The following SKAP1 variants were observed in gnomAD, a reference collection of about 807,000 sequenced individuals.
SKAP1 encodes src kinase associated phosphoprotein 1, also known as src kinase-associated phosphoprotein 1.
SKAP1 carries 44 observed loss-of-function variants against 58.5 expected under a neutral mutation model. The observed-to-expected ratio is 0.75, with a 90% CI of 0.59 to 0.97. The LOEUF is 0.97. SKAP1 is among the 50% of genes least tolerant of loss of function. The pLI is 0.00. For missense variants in SKAP1, 390 were observed against 435.2 expected (o/e 0.90, Z 0.92); for synonymous variants, 127 against 149.7 (o/e 0.85, Z 1.11).
At chr17:48,366,404 G>A (rs1234091837) in intron 2 of SKAP1, among the ~76,000 whole-genome samples, 1 of 151,856 alleles carries the variant, frequency 6.6e-6, no homozygotes, top group Non-Finnish European at 1.5e-5. Flanking sequence ...TAGAGGGTGA[G>A]GAAATTCCAG....
intron 7 of SKAP1, among the ~76,000 whole-genome samples, chr17:48,183,734 A>G (rs8081199): frequency 0.83 from 126,284 of 151,968 alleles, 52,538 homozygotes; most frequent in East Asian, 0.95. Flanking sequence ...TATTCATAAA[A>G]GACTCTATAG....
chr17:48,317,957 T>C (rs2066310793), intron 4 of SKAP1, among the ~76,000 whole-genome samples: 1 of 152,046 alleles, frequency 6.6e-6, no homozygotes, highest in Admixed American at 6.5e-5. Context: ...AGAAAAATAA[T>C]GCAAAACAGA....
chr17:48,193,584 A>T (rs1209678835), intron 4 of SKAP1: 22 of 615,976 alleles, frequency 3.6e-5, no homozygotes, highest in Non-Finnish European at 4.5e-5. Context: ...GCTCAATCTC[A>T]TTAGCTCCAT....
At chr17:48,397,587 T>C (rs543192132) in intron 1 of SKAP1, among the ~76,000 whole-genome samples, 3 of 152,136 alleles carry the variant, frequency 2.0e-5, no homozygotes, top group African/African-American at 7.2e-5. Context: ...CACAGGCCAA[T>C]AGAAGCTAGA....
intron 1 of SKAP1, among the ~76,000 whole-genome samples, chr17:48,401,167 G>A (rs2067494716): frequency 1.3e-5 from 2 of 151,996 alleles, no homozygotes; most frequent in African/African-American, 2.4e-5. Flanking sequence ...TTAGCTGAGT[G>A]TGGTGGCTAG....
intron 11 of SKAP1, among the ~76,000 whole-genome samples, 160 bp from the exon 12 acceptor site, chr17:48,137,497 C>A (rs907275269): frequency 4.6e-5 from 7 of 152,142 alleles, no homozygotes; most frequent in African/African-American, 9.7e-5. Flanking sequence ...TTAAAAAAAT[C>A]ATCTAGAGGA....
chr17:48,240,152 T>G (rs2065229966), intron 4 of SKAP1, among the ~76,000 whole-genome samples: 1 of 151,754 alleles, frequency 6.6e-6, no homozygotes, highest in Non-Finnish European at 1.5e-5. Flanking sequence ...CAGCTTGGAA[T>G]TGAGCATTGC....
intron 4 of SKAP1, among the ~76,000 whole-genome samples, chr17:48,342,845 C>T (rs1265575438): frequency 6.6e-6 from 1 of 152,000 alleles, no homozygotes; most frequent in Admixed American, 6.6e-5. Context: ...ATTAGCCAGG[C>T]GCGGTGGCCG....
chr17:48,220,091 T>C (rs912858033), intron 4 of SKAP1, among the ~76,000 whole-genome samples: 31 of 152,170 alleles, frequency 2.0e-4, no homozygotes, highest in African/African-American at 7.5e-4. Flanking sequence ...TTTCACACAT[T>C]GTTGGTGGGA....
At chr17:48,142,652 C>G (rs967315685) in intron 11 of SKAP1, among the ~76,000 whole-genome samples, 12 of 152,166 alleles carry the variant, frequency 7.9e-5, no homozygotes, top group Non-Finnish European at 4.4e-5. Flanking sequence ...ACAGTCTCCT[C>G]AAATGGCTCC....
chr17:48,301,491 C>T lies in SKAP1; in HGVS notation c.280+44414G>A, dbSNP rs1404562754. Among the ~76,000 whole-genome samples, 15 of 152,016 alleles carry T rather than the reference C, an allele frequency of 9.9e-5. 1 individual carries two copies. The highest frequency in any genetic ancestry group is 7.2e-4 in the Admixed American group (11 of 15,264). On this transcript the variant is annotated intron_variant, in intron 4 of 12. Coordinates refer to ENST00000336915, the MANE Select transcript of SKAP1 (RefSeq NM_003726.4). ...TTCTTTCTTTTTTGAGATGGAGTCTCGCTCTGTCACCCAGGCTGGAGTGCA... is the reference window on the plus strand; with the variant it reads ...TTCTTTCTTTTTTGAGATGGAGTCTTGCTCTGTCACCCAGGCTGGAGTGCA...
chr17:48,262,411 T>TG (rs1158114239), intron 4 of SKAP1, among the ~76,000 whole-genome samples: 5 of 152,216 alleles, frequency 3.3e-5, no homozygotes, highest in African/African-American at 4.8e-5. Flanking sequence ...CATGGTTTTT[T>TG]GGGGGGGAAG....
intron 2 of SKAP1, among the ~76,000 whole-genome samples, chr17:48,366,596 G>A (rs2067005715): frequency 6.6e-6 from 1 of 152,128 alleles, no homozygotes; most frequent in African/African-American, 2.4e-5. Flanking sequence ...GTGAATAATA[G>A]TATGATGGGT....
Position 48,422,930 on chromosome 17 carries a change from G to A in SKAP1, c.46+7145C>T, listed in dbSNP as rs188199997. Among the ~76,000 whole-genome samples, 16 of 152,250 alleles carry A rather than the reference G, an allele frequency of 1.1e-4. No individual in the cohort carries two copies. The East Asian group carries it at 2.9e-3, about 28-fold the overall frequency. ...CAATGACAGATGAGACAGTAAAAAA[G>A]ATGAAACAGAGAGAGCATATCAGGA... is the stretch of plus-strand genomic sequence containing the variant. On this transcript the variant is annotated intron_variant, in intron 1 of 12. Transcript: ENST00000336915.
the SKAP1 span, among the ~76,000 whole-genome samples, chr17:48,440,128 A>G: frequency 3.3e-5 from 5 of 152,236 alleles, no homozygotes; most frequent in East Asian, 7.7e-4. Context: ...TGCACAGAAA[A>G]CACCCTGGCA....
At chr17:48,205,698 C>CAG (rs1237099850) in intron 4 of SKAP1, among the ~76,000 whole-genome samples, 1 of 152,102 alleles carries the variant, frequency 6.6e-6, no homozygotes, top group African/African-American at 2.4e-5. Flanking sequence ...CATTAAGAAT[C>CAG]AGAATGGCAC....
chr17:48,317,721 A>G (rs1466530249), intron 4 of SKAP1, among the ~76,000 whole-genome samples: 1 of 152,254 alleles, frequency 6.6e-6, no homozygotes, highest in African/African-American at 2.4e-5. Flanking sequence ...AATAATTCAA[A>G]TAAGAATCTA....
At chr17:48,219,174 CA>C (rs1393411923) in intron 4 of SKAP1, among the ~76,000 whole-genome samples, 1 of 152,130 alleles carries the variant, frequency 6.6e-6, no homozygotes, top group Non-Finnish European at 1.5e-5. Flanking sequence ...GTTACTTGGG[CA>C]GAATTTTTAT....
At chr17:48,280,409 G>T (rs1454920913) in intron 4 of SKAP1, among the ~76,000 whole-genome samples, 3 of 150,734 alleles carry the variant, frequency 2.0e-5, no homozygotes, top group African/African-American at 7.3e-5. Flanking sequence ...GGCAGAGGTT[G>T]CAGTGAGCCG....
Sources: gnomAD v4.1 joint callset for allele counts (sites outside exome capture counted in the v4.1 genomes callset) on GRCh38, gnomAD v4.1.1 for gene constraint, MANE v1.5 for transcripts, NCBI Gene and HGNC (gene_info 2026-07-23, HGNC 2026-07-21) for gene names.